Variants in PPFIA2 observed in about 807,000 individuals in gnomAD.
PPFIA2 encodes the protein liprin-alpha-2.
Under a neutral mutation model 175.5 loss-of-function variants are expected in PPFIA2, and 46 were observed. The ratio of observed to expected loss-of-function variants is 0.26; its 90% CI spans 0.21 to 0.34. The LOEUF (loss-of-function observed/expected upper bound fraction) is 0.34. PPFIA2 is among the 10% of genes least tolerant of loss of function. The pLI is 1.00. For synonymous variants in PPFIA2, 568 were observed against 511.4 expected (o/e 1.11, Z -1.49); for missense variants, 1,179 against 1,506.1 (o/e 0.78, Z 3.60).
chr12:81,694,575 T>G (rs905002863), intron 3 of PPFIA2, among the ~76,000 whole-genome samples: 2 of 152,188 alleles, frequency 1.3e-5, no homozygotes, highest in Non-Finnish European at 2.9e-5. Flanking sequence ...ATAGCCTCAG[T>G]GCCCAGGCAA....
chr12:81,586,340 T>A (rs992963730), intron 4 of PPFIA2, among the ~76,000 whole-genome samples: 1 of 151,974 alleles, frequency 6.6e-6, no homozygotes, highest in African/African-American at 2.4e-5. Context: ...AATATCAGTT[T>A]GTGATATTCT....
At chr12:81,625,749 T>C (rs2062626443) in intron 4 of PPFIA2, among the ~76,000 whole-genome samples, 1 of 150,962 alleles carries the variant, frequency 6.6e-6, no homozygotes, top group African/African-American at 2.4e-5. Flanking sequence ...TTACCTCTGC[T>C]ACCCTCCAAC....
chr12:81,286,925 A>G (rs770609710), intron 24 of PPFIA2, among the ~76,000 whole-genome samples: 3 of 152,024 alleles, frequency 2.0e-5, no homozygotes, highest in Non-Finnish European at 2.9e-5. Flanking sequence ...CCTTCCTTGT[A>G]TTCCCTGCTT....
chr12:81,546,973 A>G (rs1446987338), intron 4 of PPFIA2, among the ~76,000 whole-genome samples: 4 of 151,876 alleles, frequency 2.6e-5, no homozygotes, highest in Admixed American at 2.6e-4. Flanking sequence ...GTCACTTCTC[A>G]GTTCCTAATC....
intron 4 of PPFIA2, among the ~76,000 whole-genome samples, chr12:81,532,440 A>G (rs1033634530): frequency 6.6e-6 from 1 of 151,788 alleles, no homozygotes; most frequent in Non-Finnish European, 1.5e-5. Flanking sequence ...TTTCACTACC[A>G]TCCTTGGATT....
At chr12:81,399,546 T>G (rs1199507260) in intron 8 of PPFIA2, among the ~76,000 whole-genome samples, 1 of 152,118 alleles carries the variant, frequency 6.6e-6, no homozygotes, top group Non-Finnish European at 1.5e-5. Flanking sequence ...GTTATGTGCT[T>G]CCTCGCCAAC....
At chr12:81,703,167 C>T (rs917706152) in intron 3 of PPFIA2, among the ~76,000 whole-genome samples, 2 of 152,166 alleles carry the variant, frequency 1.3e-5, no homozygotes, top group African/African-American at 2.4e-5. Flanking sequence ...AGGCTACTTA[C>T]TGTCAATGAG....
intron 5 of PPFIA2, among the ~76,000 whole-genome samples, chr12:81,457,304 A>G (rs1481695532): frequency 1.3e-5 from 2 of 148,504 alleles, no homozygotes; most frequent in African/African-American, 2.5e-5. Context: ...TTTCCTTTTT[A>G]AAAAAATCTT....
intron 4 of PPFIA2, among the ~76,000 whole-genome samples, chr12:81,540,613 T>TA (rs1160346421): frequency 6.6e-6 from 1 of 152,006 alleles, no homozygotes; most frequent in Non-Finnish European, 1.5e-5. Flanking sequence ...TTTAGGAGTT[T>TA]AAAAAATATT....
At chr12:81,325,515 G>A (rs1458678441) in intron 22 of PPFIA2, among the ~76,000 whole-genome samples, 1 of 152,080 alleles carries the variant, frequency 6.6e-6, no homozygotes, top group African/African-American at 2.4e-5. Context: ...TGCATTACTT[G>A]TAAGGATTTT....
At chr12:81,476,390 T>C (rs1480952677) in intron 4 of PPFIA2, among the ~76,000 whole-genome samples, 3 of 152,182 alleles carry the variant, frequency 2.0e-5, no homozygotes, top group South Asian at 4.1e-4. Context: ...CAATACTGAA[T>C]ATTAAAAGCA....
chr12:81,442,894 T>TAA (rs2050476006), intron 6 of PPFIA2, among the ~76,000 whole-genome samples: 2 of 115,512 alleles, frequency 1.7e-5, no homozygotes, highest in African/African-American at 6.7e-5. Context: ...TATATATATA[T>TAA]ATATAGTATT....
chr12:81,702,968 C>G (rs2076671411), intron 3 of PPFIA2, among the ~76,000 whole-genome samples: 1 of 152,106 alleles, frequency 6.6e-6, no homozygotes, highest in Admixed American at 6.5e-5. Context: ...TAATCTTGGA[C>G]TTCCCAGCCT....
At chr12:81,734,205 G>T (rs545266685) in intron 3 of PPFIA2, among the ~76,000 whole-genome samples, 6 of 151,890 alleles carry the variant, frequency 4.0e-5, no homozygotes, top group African/African-American at 1.4e-4. Flanking sequence ...AACCCCAGGT[G>T]AACCTCTTCA....
At chr12:81,600,032 T>A (rs1055841169) in intron 4 of PPFIA2, among the ~76,000 whole-genome samples, 1 of 151,932 alleles carries the variant, frequency 6.6e-6, no homozygotes, top group Non-Finnish European at 1.5e-5. Flanking sequence ...AGTTTTTGCC[T>A]GGTTTCTCTA....
chr12:81,310,571 T>G (rs2050514529), intron 22 of PPFIA2, among the ~76,000 whole-genome samples: 1 of 152,150 alleles, frequency 6.6e-6, no homozygotes, highest in African/African-American at 2.4e-5. Context: ...ATTATTTTCC[T>G]CTGAAAAATT....
chr12:81,620,329 GA>G lies in PPFIA2; in HGVS notation c.303+56461del, dbSNP rs1238330316. On this transcript the variant is annotated intron_variant, in intron 4 of 32. Transcript: ENST00000549396. ...CTAAATCATAATTTACAGTTTTAAG[GA>G]AAAAAGTTTATTCCAGGAAAACTCC... is the stretch of plus-strand genomic sequence containing the variant. 2.0e-5 allele frequency among the ~76,000 whole-genome samples: 3 copies of G among 152,106 alleles called. No individual in the cohort carries two copies. The East Asian group carries it at 5.8e-4, about 29-fold the overall frequency.
At chr12:81,597,755 T>C (rs1025769711) in intron 4 of PPFIA2, among the ~76,000 whole-genome samples, 9 of 142,622 alleles carry the variant, frequency 6.3e-5, no homozygotes, top group Non-Finnish European at 1.4e-4. Flanking sequence ...TTTTTTTTTT[T>C]AATTCACAGA....
chr12:81,696,087 T>C (rs567985031), intron 3 of PPFIA2, among the ~76,000 whole-genome samples: 18 of 152,306 alleles, frequency 1.2e-4, no homozygotes, highest in African/African-American at 4.3e-4. Context: ...TCTGACACTG[T>C]ACAGATGTGT....
Sources: allele counts gnomAD v4.1 joint callset (sites outside exome capture counted in the v4.1 genomes callset), GRCh38; gene constraint gnomAD v4.1.1; transcripts MANE v1.5; gene names NCBI Gene and HGNC (gene_info 2026-07-23, HGNC 2026-07-21).